The following GNAL variants were observed in gnomAD, a reference collection of about 807,000 sequenced individuals.
The protein encoded by GNAL is guanine nucleotide-binding protein G(olf) subunit alpha.
A neutral mutation model predicts 55.1 loss-of-function variants in GNAL; 18 were observed. That is an observed-to-expected ratio of 0.33 (90% CI 0.23 to 0.48). The LOEUF (loss-of-function observed/expected upper bound fraction) is 0.48, where lower values mean the gene tolerates loss of function less well. GNAL is among the 20% of genes least tolerant of loss of function. GNAL has a pLI of 0.99. For missense variants in GNAL, 412 were observed against 614.1 expected, an observed-to-expected ratio of 0.67 and a Z score of 3.48; for synonymous variants, 253 against 237.0, an observed-to-expected ratio of 1.07 and a Z score of -0.62.
chr18:11,700,263 G>C (rs1314718009), intron 1 of GNAL, among the ~76,000 whole-genome samples: 1 of 152,222 alleles, frequency 6.6e-6, no homozygotes, highest in Non-Finnish European at 1.5e-5. Flanking sequence ...GAAAGCTGTG[G>C]TTTATGAATA....
chr18:11,850,234 T>C (rs996552210), intron 5 of GNAL, among the ~76,000 whole-genome samples: 3 of 152,208 alleles, frequency 2.0e-5, no homozygotes, highest in South Asian at 2.1e-4. Flanking sequence ...GCCAGCATGC[T>C]GCACAGCAGG....
At chr18:11,854,383 T>C (rs1041776808) in intron 5 of GNAL, 5 of 167,130 alleles carry the variant, frequency 3.0e-5, no homozygotes, top group Non-Finnish European at 7.3e-5. Flanking sequence ...TTCCTCACTT[T>C]TGCAGTTGAT....
chr18:11,759,786 C>T (rs367732306), intron 4 of GNAL, among the ~76,000 whole-genome samples: 1 of 152,246 alleles, frequency 6.6e-6, no homozygotes, highest in South Asian at 2.1e-4. Context: ...GAGATGTGTG[C>T]AGAATCTCCA....
intron 5 of GNAL, among the ~76,000 whole-genome samples, chr18:11,840,588 C>T (rs1052552641): frequency 3.3e-5 from 5 of 152,184 alleles, no homozygotes; most frequent in African/African-American, 1.2e-4. Context: ...TGGGGCACCC[C>T]CTCTGAGAAA....
At chr18:11,768,763 A>G (rs12457247) in intron 4 of GNAL, among the ~76,000 whole-genome samples, 25,484 of 147,144 alleles carry the variant, frequency 0.17, 5,195 homozygotes, top group African/African-American at 0.5. Flanking sequence ...GCCTGGTGGC[A>G]GGCGCCTGTA....
Position 11,726,468 on chromosome 18 carries a change from C to T in GNAL, c.377-26385C>T, listed in dbSNP as rs1430756851. Among the ~76,000 whole-genome samples the T allele has an allele frequency of 3.9e-5, 6 of 152,204 alleles. No homozygotes were observed. The East Asian group carries it at 7.7e-4, about 20-fold the overall frequency. On this transcript the variant is annotated intron_variant, in intron 1 of 11. Coordinates refer to ENST00000334049, the MANE Select transcript of GNAL (RefSeq NM_182978.4). Reference sequence around the variant, plus strand: ...TGAACACTGATGAATATAAGTAAATCGAAGTGGACCGCAGAATTCAGTGAG... The same window carrying T: ...TGAACACTGATGAATATAAGTAAATTGAAGTGGACCGCAGAATTCAGTGAG...
At chr18:11,860,371 A>G (rs900265841) in intron 5 of GNAL, among the ~76,000 whole-genome samples, 2 of 152,152 alleles carry the variant, frequency 1.3e-5, no homozygotes, top group Non-Finnish European at 2.9e-5. Context: ...AGGAGTTAAG[A>G]TGTCCAAGGA....
chr18:11,735,687 G>T (rs1293011952), intron 1 of GNAL, among the ~76,000 whole-genome samples: 1 of 151,682 alleles, frequency 6.6e-6, no homozygotes, highest in Non-Finnish European at 1.5e-5. Context: ...TAGAGGTGGA[G>T]GAGTTTGCAG....
intron 1 of GNAL, among the ~76,000 whole-genome samples, chr18:11,725,163 G>T (rs1205280490): frequency 1.3e-5 from 2 of 152,158 alleles, no homozygotes; most frequent in Non-Finnish European, 2.9e-5. Context: ...ATCATATATT[G>T]AAGTCCTAAC....
intron 5 of GNAL, chr18:11,851,678 T>A: frequency 6.2e-7 from 1 of 1,613,992 alleles, no homozygotes; most frequent in Non-Finnish European, 8.5e-7. Context: ...GAAAATGCCA[T>A]CCGCCAGAAG....
chr18:11,877,100 T>G (rs1242086651), intron 11 of GNAL, among the ~76,000 whole-genome samples: 1 of 152,230 alleles, frequency 6.6e-6, no homozygotes, highest in African/African-American at 2.4e-5. Flanking sequence ...CTTTTTTTTC[T>G]TCAGCTTTTT....
chr18:11,755,012 GT>G (rs1156616164), intron 4 of GNAL, among the ~76,000 whole-genome samples: 7 of 152,028 alleles, frequency 4.6e-5, no homozygotes, highest in Non-Finnish European at 8.8e-5. Context: ...GTGTGTGTGT[GT>G]GTGTGTGTGT....
intron 4 of GNAL, among the ~76,000 whole-genome samples, chr18:11,791,858 C>G (rs1375974386): frequency 1.3e-5 from 2 of 152,192 alleles, no homozygotes; most frequent in Non-Finnish European, 2.9e-5. Flanking sequence ...TCCCGAGGGT[C>G]TGCACCACAT....
chr18:11,738,588 C>T (rs1460852575), intron 1 of GNAL, among the ~76,000 whole-genome samples: 1 of 152,114 alleles, frequency 6.6e-6, no homozygotes, highest in Non-Finnish European at 1.5e-5. Flanking sequence ...GCTGGGATTA[C>T]AGGCGCCCAC....
chr18:11,753,786 C>G, intron 3 of GNAL, 40 bp from the exon 4 acceptor site: 1 of 1,549,964 alleles, frequency 6.5e-7, no homozygotes, highest in Non-Finnish European at 8.9e-7. Flanking sequence ...TACATGGAGC[C>G]TAAATGTTTA....
At chr18:11,861,866 ACT>A (rs553668565) in intron 5 of GNAL, among the ~76,000 whole-genome samples, 11 of 151,810 alleles carry the variant, frequency 7.2e-5, no homozygotes, top group Non-Finnish European at 1.3e-4. Flanking sequence ...TTCCGCACAT[ACT>A]CTCACACTCA....
intron 4 of GNAL, among the ~76,000 whole-genome samples, chr18:11,755,505 G>A (rs952162177): frequency 2.0e-5 from 3 of 152,148 alleles, no homozygotes; most frequent in African/African-American, 7.2e-5. Flanking sequence ...TCGATCTCCT[G>A]ACCTCATGAT....
intron 1 of GNAL, among the ~76,000 whole-genome samples, chr18:11,734,148 CT>C (rs545091797): frequency 3.1e-3 from 419 of 137,136 alleles, no homozygotes; most frequent in African/African-American, 4.0e-3. Context: ...TTTTCTTTTT[CT>C]TTTTTTTTTT....
chr18:11,880,033 C>T (rs112229463), intron 11 of GNAL, among the ~76,000 whole-genome samples: 6,631 of 150,642 alleles, frequency 0.044, 372 homozygotes, highest in African/African-American at 0.13. Context: ...CCGAGGCAGG[C>T]GGATCATGAG....
Sources: allele counts gnomAD v4.1 joint callset (sites outside exome capture counted in the v4.1 genomes callset), GRCh38; gene constraint gnomAD v4.1.1; transcripts MANE v1.5; gene names NCBI Gene and HGNC (gene_info 2026-07-23, HGNC 2026-07-21).